The following BMPR1B variants were observed in gnomAD, a reference collection of about 807,000 sequenced individuals.
The protein encoded by BMPR1B is bone morphogenetic protein receptor type 1B.
BMPR1B carries 12 observed loss-of-function variants against 59.1 expected under a neutral mutation model. The observed-to-expected ratio is 0.20, with a 90% CI of 0.13 to 0.33. The LOEUF (loss-of-function observed/expected upper bound fraction) is 0.33, where lower values mean the gene tolerates loss of function less well. Ranked by LOEUF, BMPR1B falls within the 10% of genes least tolerant of loss-of-function variation. BMPR1B has a pLI of 1.00. For missense variants in BMPR1B, 550 were observed against 610.9 expected (o/e 0.90, Z 1.05); for synonymous variants, 237 against 207.3 (o/e 1.14, Z -1.23).
chr4:94,809,617 C>A (rs998193420), intron 1 of BMPR1B, among the ~76,000 whole-genome samples: 1 of 152,204 alleles, frequency 6.6e-6, no homozygotes, highest in East Asian at 1.9e-4. Flanking sequence ...ATTCACTTAT[C>A]TCCCTCTTTC....
intron 2 of BMPR1B, among the ~76,000 whole-genome samples, chr4:94,939,284 G>T (rs545657153): frequency 2.6e-5 from 4 of 152,014 alleles, no homozygotes; most frequent in South Asian, 4.2e-4. Context: ...TTTCTTCTTT[G>T]CTCTAGAATT....
intron 3 of BMPR1B, among the ~76,000 whole-genome samples, chr4:95,054,054 A>G (rs777188546): frequency 1.3e-5 from 2 of 152,214 alleles, no homozygotes; most frequent in African/African-American, 2.4e-5. Flanking sequence ...CGAGATTAAT[A>G]TTCTGAGATC....
intron 8 of BMPR1B, among the ~76,000 whole-genome samples, chr4:95,128,900 T>G (rs1167729905): frequency 6.6e-6 from 1 of 152,208 alleles, no homozygotes; most frequent in Non-Finnish European, 1.5e-5. Flanking sequence ...AGTGACTGTT[T>G]CTTTGTTCTA....
At chr4:95,089,350 G>A (rs1233245771) in intron 3 of BMPR1B, among the ~76,000 whole-genome samples, 2 of 151,978 alleles carry the variant, frequency 1.3e-5, no homozygotes, top group Non-Finnish European at 2.9e-5. Context: ...TATTGGGAGA[G>A]CCCATATTGA....
chr4:94,840,583 G>C lies in BMPR1B; in HGVS notation c.-182-35248G>C, dbSNP rs912804782. 2.1e-4 allele frequency among the ~76,000 whole-genome samples: 30 copies of C among 144,886 alleles called. 2 individuals are homozygous for C. Among genetic ancestry groups the C allele is most frequent in the African/African-American group, 7.5e-4 (29 of 38,756 alleles). On this transcript the variant is annotated intron_variant, in intron 1 of 12. Transcript: ENST00000515059. ...CTCCTGAGGCTTCTGCATTCTTCAC[G>C]TAGTTCTCGAGCCTTGGTTTTCAGC...
At chr4:94,781,690 G>C (rs1722595478) in intron 1 of BMPR1B, among the ~76,000 whole-genome samples, 1 of 152,184 alleles carries the variant, frequency 6.6e-6, no homozygotes, top group Non-Finnish European at 1.5e-5. Context: ...GGTTATAGGC[G>C]TGAGCCACTC....
intron 2 of BMPR1B, among the ~76,000 whole-genome samples, chr4:94,942,879 A>G (rs1446039168): frequency 2.0e-5 from 3 of 152,232 alleles, no homozygotes; most frequent in African/African-American, 7.2e-5. Context: ...AAAACTGATT[A>G]GGATCTAGGG....
At chr4:94,955,332 A>G (rs1033657890) in intron 2 of BMPR1B, among the ~76,000 whole-genome samples, 11 of 152,322 alleles carry the variant, frequency 7.2e-5, no homozygotes, top group African/African-American at 2.4e-4. Flanking sequence ...CTTAAGCTTA[A>G]TATACACAGC....
At chr4:94,762,781 G>A (rs1036752467) in intron 1 of BMPR1B, among the ~76,000 whole-genome samples, 4 of 152,072 alleles carry the variant, frequency 2.6e-5, no homozygotes, top group Non-Finnish European at 4.4e-5. Flanking sequence ...TTGGCCAAGG[G>A]TGGAACCTTG....
At chr4:94,966,124 C>T (rs1730548556) in intron 2 of BMPR1B, among the ~76,000 whole-genome samples, 1 of 152,102 alleles carries the variant, frequency 6.6e-6, no homozygotes, top group African/African-American at 2.4e-5. Flanking sequence ...TTGTATCTTT[C>T]TCACCACATG....
intron 3 of BMPR1B, among the ~76,000 whole-genome samples, chr4:95,060,312 C>T (rs1211751144): frequency 6.6e-6 from 1 of 152,160 alleles, no homozygotes; most frequent in Non-Finnish European, 1.5e-5. Flanking sequence ...ACTTTCAGAA[C>T]AAGAGAAGAA....
At chr4:94,925,300 G>A (rs1434082589) in intron 2 of BMPR1B, among the ~76,000 whole-genome samples, 1 of 151,924 alleles carries the variant, frequency 6.6e-6, no homozygotes, top group Non-Finnish European at 1.5e-5. Flanking sequence ...TTTTAACTAT[G>A]CAAATTTTGA....
chr4:94,789,018 A>G (rs1180835859), intron 1 of BMPR1B, among the ~76,000 whole-genome samples: 2 of 152,200 alleles, frequency 1.3e-5, no homozygotes, highest in Non-Finnish European at 2.9e-5. Flanking sequence ...GCACTGGGAC[A>G]GGAGTTTCAG....
intron 1 of BMPR1B, among the ~76,000 whole-genome samples, chr4:94,866,228 T>C (rs1490866788): frequency 6.6e-6 from 1 of 152,186 alleles, no homozygotes; most frequent in Non-Finnish European, 1.5e-5. Flanking sequence ...CCAATCCTTT[T>C]TCAGAGGATT....
At chr4:95,121,189 A>C (rs28513259) in intron 6 of BMPR1B, among the ~76,000 whole-genome samples, 2,626 of 152,342 alleles carry the variant, frequency 0.017, 77 homozygotes, top group African/African-American at 0.06. Flanking sequence ...ATAGCCACAA[A>C]GAATATGAAA....
chr4:94,935,469 C>A (rs58221294), intron 2 of BMPR1B, among the ~76,000 whole-genome samples: 20,749 of 152,202 alleles, frequency 0.14, 1,616 homozygotes, highest in African/African-American at 0.21. Flanking sequence ...CATTTTCCAT[C>A]CCTCCTACAG....
At chr4:95,129,796 G>GA in intron 8 of BMPR1B, 66 bp from the exon 9 acceptor site, 13 of 1,536,238 alleles carry the variant, frequency 8.5e-6, no homozygotes, top group South Asian at 1.1e-5. Context: ...CTTCTCTGGA[G>GA]AAAAAAAGAT....
At chr4:94,854,745 C>T (rs181955324) in intron 1 of BMPR1B, among the ~76,000 whole-genome samples, 7 of 151,950 alleles carry the variant, frequency 4.6e-5, no homozygotes, top group Non-Finnish European at 7.4e-5. Flanking sequence ...TATTCTTGGC[C>T]CATGAAAAGA....
At chr4:94,981,486 A>C (rs114453444) in intron 2 of BMPR1B, among the ~76,000 whole-genome samples, 1,815 of 152,208 alleles carry the variant, frequency 0.012, 40 homozygotes, top group African/African-American at 0.041. Flanking sequence ...AACTCTTAGG[A>C]CTCTCACACC....
Sources: gnomAD v4.1 joint callset for allele counts (sites outside exome capture counted in the v4.1 genomes callset) on GRCh38, gnomAD v4.1.1 for gene constraint, MANE v1.5 for transcripts, NCBI Gene and HGNC (gene_info 2026-07-23, HGNC 2026-07-21) for gene names.